Variants in NMU observed in about 807,000 individuals in gnomAD.
The protein encoded by NMU is neuromedin-U.
NMU carries 29 observed loss-of-function variants against 35.4 expected under a neutral mutation model. That is an observed-to-expected ratio of 0.82 (90% CI 0.61 to 1.12). The LOEUF is 1.12. Ranked by LOEUF, NMU falls within the 50% of genes most tolerant of loss-of-function variation. The probability of loss-of-function intolerance (pLI) is 0.00; values close to 1 mark genes in which losing one functional copy is unlikely to be tolerated. For missense variants in NMU, 199 were observed against 206.2 expected (o/e 0.97, Z 0.21); for synonymous variants, 78 against 81.3 (o/e 0.96, Z 0.22).
At chr4:55,619,324 G>A (rs1268378993) in intron 2 of NMU, among the ~76,000 whole-genome samples, 6 of 141,478 alleles carry the variant, frequency 4.2e-5, no homozygotes, top group South Asian at 2.6e-4. Context: ...TGCGCGAGCC[G>A]AAGCAGGGCG....
intron 9 of NMU, among the ~76,000 whole-genome samples, chr4:55,595,772 C>T (rs1290113373): frequency 6.6e-6 from 1 of 151,256 alleles, no homozygotes; most frequent in East Asian, 1.9e-4. Context: ...TCCTGAGTAG[C>T]TGGTATTACA....
chr4:55,603,784 C>T (rs1267743975), intron 7 of NMU, among the ~76,000 whole-genome samples: 1 of 149,758 alleles, frequency 6.7e-6, no homozygotes, highest in African/African-American at 2.5e-5. Context: ...TAGCGGCGGG[C>T]GCCTGTGATC....
intron 7 of NMU, 118 bp from the exon 8 acceptor site, chr4:55,600,693 G>C (rs958741964): frequency 1.2e-5 from 9 of 740,784 alleles, no homozygotes; most frequent in Non-Finnish European, 2.2e-5. Context: ...AACATAGAGG[G>C]AATCAGGGAC....
chr4:55,612,159 C>A (rs1364934504), intron 3 of NMU, among the ~76,000 whole-genome samples: 1 of 152,196 alleles, frequency 6.6e-6, no homozygotes, highest in Non-Finnish European at 1.5e-5. Context: ...GGTCACCCCA[C>A]AAAAATCTGA....
At chr4:55,597,031 C>CACTTCTTA (rs1428193908) in intron 9 of NMU, among the ~76,000 whole-genome samples, 2 of 152,136 alleles carry the variant, frequency 1.3e-5, no homozygotes, top group African/African-American at 4.8e-5. Flanking sequence ...ACTTTTAACA[C>CACTTCTTA]ACTTCTTAAC....
At chr4:55,618,897 T>C (rs1212711073) in intron 2 of NMU, among the ~76,000 whole-genome samples, 1 of 150,278 alleles carries the variant, frequency 6.7e-6, no homozygotes. Context: ...TTTTTTTTTT[T>C]GTCTGGCTGT....
At position 55,595,246 on chromosome 4, in the gene NMU, T is replaced by A. The variant is rs1028187603; in HGVS notation, c.*170A>T. The A allele has an allele frequency of 2.6e-4, 39 of 152,706 alleles. No homozygotes were observed. The highest frequency in any genetic ancestry group is 9.1e-4 in the African/African-American group (38 of 41,570). 9.5% of individuals were successfully genotyped at this position (152,706 alleles called of 1,614,324 possible). On this transcript the variant is annotated 3_prime_UTR_variant, in exon 10 of 10. Transcript: ENST00000264218. ...TAAGCAAAAATATTTTTAGATTTTT[T>A]AATTTTCAACAAATTGAACATTTAC...
At chr4:55,599,245 A>G in intron 8 of NMU, 64 bp from the exon 9 acceptor site, 5 of 1,316,210 alleles carry the variant, frequency 3.8e-6, no homozygotes, top group Non-Finnish European at 5.5e-6. Flanking sequence ...AGTCATAGAA[A>G]CAGATTGATG....
intron 2 of NMU, among the ~76,000 whole-genome samples, chr4:55,617,602 T>G (rs981338577): frequency 1.1e-4 from 17 of 151,826 alleles, no homozygotes; most frequent in Non-Finnish European, 2.4e-4. Flanking sequence ...AATCCTTTAA[T>G]TAAGTTGTAT....
At chr4:55,626,457 C>A (rs1338224786) in intron 2 of NMU, among the ~76,000 whole-genome samples, 4 of 152,246 alleles carry the variant, frequency 2.6e-5, no homozygotes, top group African/African-American at 9.6e-5. Context: ...GTAATTCTAG[C>A]ACTTTGGGAA....
chr4:55,600,507 A>C lies in NMU; in HGVS notation c.489+15T>G, dbSNP rs1252261829. 6.4e-7 allele frequency: 1 copy of C among 1,558,252 alleles called. No homozygotes were observed. On this transcript the variant is annotated intron_variant, in intron 8 of 9. Transcript: ENST00000264218. Reference sequence around the variant, plus strand: ...TGGTGTAGATTGATTTTTTAAAAATACAGTATGTACCTACCCTGAATAAAA... The same window carrying C: ...TGGTGTAGATTGATTTTTTAAAAATCCAGTATGTACCTACCCTGAATAAAA...
Position 55,636,223 on chromosome 4 carries a change from G to GACGCTGCGCTGCGCC in NMU, c.-46_-32dup. On this transcript the variant is annotated 5_prime_UTR_variant, in exon 1 of 10. Transcript: ENST00000264218. This position sits in a 1 kb window ranked among gnomAD's most constrained non-coding sequence, Gnocchi z 4.0. ...CGGCTGCGGGAGGCTCGGTGCTAGG[G>GACGCTGCGCTGCGCC]ACGCTGCGCTGCGCCACGCGTAGCT... The GACGCTGCGCTGCGCC allele has an allele frequency of 1.4e-6, 2 of 1,442,704 alleles. No homozygotes were observed. Among genetic ancestry groups the GACGCTGCGCTGCGCC allele is most frequent in the Non-Finnish European group, 1.8e-6 (2 of 1,108,182 alleles). 89.4% of individuals were successfully genotyped at this position (1,442,704 alleles called of 1,614,324 possible).
chr4:55,631,750 T>C (rs1734763580), intron 1 of NMU, among the ~76,000 whole-genome samples: 2 of 152,338 alleles, frequency 1.3e-5, no homozygotes, highest in South Asian at 4.1e-4. Flanking sequence ...TGGAAAACAG[T>C]ATGGAAATTC....
At chr4:55,602,215 A>T (rs540573313) in intron 7 of NMU, among the ~76,000 whole-genome samples, 147 of 152,312 alleles carry the variant, frequency 9.7e-4, no homozygotes, top group Middle Eastern at 3.4e-3. Context: ...AATGATATTG[A>T]AAGATGTCTA....
chr4:55,630,110 A>C (rs1411477442), intron 2 of NMU, among the ~76,000 whole-genome samples: 2 of 152,090 alleles, frequency 1.3e-5, no homozygotes, highest in African/African-American at 4.8e-5. Flanking sequence ...TCTATTAAAA[A>C]AATCCAATCT....
Position 55,600,511 on chromosome 4 carries a change from T to A in NMU, c.489+11A>T. The A allele has an allele frequency of 6.4e-7, 1 of 1,570,928 alleles. No individual in the cohort carries two copies. Among genetic ancestry groups the A allele is most frequent in the Non-Finnish European group, 8.8e-7 (1 of 1,141,386 alleles). On this transcript the variant is annotated intron_variant, in intron 8 of 9. Transcript: ENST00000264218. ...GTAGATTGATTTTTTAAAAATACAGTATGTACCTACCCTGAATAAAAAATA... is the reference window on the plus strand; with the variant it reads ...GTAGATTGATTTTTTAAAAATACAGAATGTACCTACCCTGAATAAAAAATA...
intron 9 of NMU, among the ~76,000 whole-genome samples, chr4:55,598,401 T>C (rs904956160): frequency 6.6e-6 from 1 of 152,196 alleles, no homozygotes; most frequent in Admixed American, 6.5e-5. Context: ...TGAAAAAATA[T>C]GTTCAGCATA....
chr4:55,601,386 A>T (rs1560511998), intron 7 of NMU, among the ~76,000 whole-genome samples: 1 of 152,194 alleles, frequency 6.6e-6, no homozygotes, highest in Non-Finnish European at 1.5e-5. Context: ...ATACAATCAT[A>T]TTAAATTCTA....
At chr4:55,611,296 G>A (rs948965060) in intron 3 of NMU, among the ~76,000 whole-genome samples, 1 of 152,166 alleles carries the variant, frequency 6.6e-6, no homozygotes, top group African/African-American at 2.4e-5. Flanking sequence ...CCAGGAGTTC[G>A]AGGCTGCAGT....
Sources: gnomAD v4.1 joint callset for allele counts (sites outside exome capture counted in the v4.1 genomes callset) on GRCh38, gnomAD v4.1.1 for gene constraint, Gnocchi (gnomAD v3.1) non-coding constraint, MANE v1.5 for transcripts, NCBI Gene and HGNC (gene_info 2026-07-23, HGNC 2026-07-21) for gene names.